FRMD4A: variants seen among roughly 807,000 people sequenced by gnomAD.
FRMD4A encodes FERM domain-containing protein 4A.
Under a neutral mutation model 129.1 loss-of-function variants are expected in FRMD4A, and 29 were observed. The ratio of observed to expected loss-of-function variants is 0.22; its 90% confidence interval spans 0.17 to 0.31. The LOEUF (loss-of-function observed/expected upper bound fraction) is 0.31, where lower values mean the gene tolerates loss of function less well. FRMD4A is among the 10% of genes least tolerant of loss of function. The pLI is 1.00. For missense variants in FRMD4A, 1,272 were observed against 1,375.8 expected (o/e 0.92, Z 1.19); for synonymous variants, 634 against 571.6 (o/e 1.11, Z -1.56).
At chr10:14,325,065 T>C (rs954636908) in intron 2 of FRMD4A, among the ~76,000 whole-genome samples, 17 of 152,192 alleles carry the variant, frequency 1.1e-4, no homozygotes, top group African/African-American at 4.1e-4. Flanking sequence ...CTGCCTAACC[T>C]GCCTGGAGTG....
chr10:13,731,425 G>A (rs1426183095), intron 12 of FRMD4A, among the ~76,000 whole-genome samples: 1 of 152,184 alleles, frequency 6.6e-6, no homozygotes, highest in Non-Finnish European at 1.5e-5. Flanking sequence ...AAGGTGGGGG[G>A]ATCCCCTGAG....
At chr10:14,073,422 C>T (rs1202188212) in intron 2 of FRMD4A, among the ~76,000 whole-genome samples, 3 of 152,028 alleles carry the variant, frequency 2.0e-5, no homozygotes, top group African/African-American at 4.8e-5. Flanking sequence ...TCCTTGAGTT[C>T]CTAGGTGATT....
At position 13,663,451 on chromosome 10, in the gene FRMD4A, AC is replaced by A; in HGVS notation, c.1660+1del. 6.8e-7 allele frequency: 1 copy of A among 1,460,074 alleles called. No homozygotes were observed. The highest frequency in any genetic ancestry group is 9.6e-7 in the Non-Finnish European group (1 of 1,039,036). The allele number at this position is 1,460,074 out of a possible 1,614,324, so 90.4% of individuals were successfully genotyped here. ...TTGTAAGCAGGAAATGCATAAACCT[AC>A]CATCCTCAAGAACAAGGGCATCTGA... is the stretch of plus-strand genomic sequence containing the variant. On this transcript the variant is annotated splice_donor_variant, in intron 19 of 24. Coordinates refer to ENST00000357447, the MANE Select transcript of FRMD4A (RefSeq NM_018027.5). LOFTEE classifies it high-confidence loss of function.
At chr10:14,315,893 G>C (rs901176696) in intron 2 of FRMD4A, among the ~76,000 whole-genome samples, 1 of 152,236 alleles carries the variant, frequency 6.6e-6, no homozygotes, top group African/African-American at 2.4e-5. Flanking sequence ...CAGACACTGA[G>C]CTAGGAGCTA....
chr10:13,826,585 G>A (rs1417553102), intron 3 of FRMD4A, among the ~76,000 whole-genome samples: 1 of 152,138 alleles, frequency 6.6e-6, no homozygotes, highest in African/African-American at 2.4e-5. Context: ...TAAGTTGGAA[G>A]TTCCCTAAGT....
chr10:14,149,928 T>C (rs1398375995), intron 2 of FRMD4A, among the ~76,000 whole-genome samples: 2 of 152,182 alleles, frequency 1.3e-5, no homozygotes, highest in Non-Finnish European at 2.9e-5. Context: ...GTTTAATTGA[T>C]TCACAGTTCC....
chr10:13,698,498 A>G (rs2086455762), intron 14 of FRMD4A, among the ~76,000 whole-genome samples: 1 of 152,224 alleles, frequency 6.6e-6, no homozygotes, highest in Non-Finnish European at 1.5e-5. Flanking sequence ...AGAAACAGAA[A>G]GGTGTTGTAA....
chr10:13,855,383 C>T (rs775940214), intron 3 of FRMD4A, among the ~76,000 whole-genome samples: 1 of 152,234 alleles, frequency 6.6e-6, no homozygotes, highest in East Asian at 1.9e-4. Context: ...GTATGCTATC[C>T]TCATAGTGGG....
chr10:13,826,515 A>G (rs2093703374), intron 3 of FRMD4A, among the ~76,000 whole-genome samples: 1 of 152,170 alleles, frequency 6.6e-6, no homozygotes. Context: ...GGCCAGAAGA[A>G]AAAGAAGTCC....
At chr10:13,651,800 C>T (rs896760619) in intron 24 of FRMD4A, 103 bp downstream of exon 24, 1 of 727,826 alleles carries the variant, frequency 1.4e-6, no homozygotes, top group Non-Finnish European at 2.6e-6. Flanking sequence ...GGCATAAATA[C>T]AGCATTCAGA....
chr10:14,058,750 T>C (rs553296485), intron 2 of FRMD4A, among the ~76,000 whole-genome samples: 2 of 152,166 alleles, frequency 1.3e-5, no homozygotes, highest in African/African-American at 4.8e-5. Context: ...GAAGACCATA[T>C]GCCACAGGGT....
intron 2 of FRMD4A, among the ~76,000 whole-genome samples, chr10:13,862,840 A>G (rs926349409): frequency 6.6e-6 from 1 of 152,156 alleles, no homozygotes; most frequent in Admixed American, 6.5e-5. Context: ...AAGAATTGAC[A>G]TCTGTAGCTT....
At chr10:14,117,890 C>T (rs917475556) in intron 2 of FRMD4A, among the ~76,000 whole-genome samples, 15 of 152,096 alleles carry the variant, frequency 9.9e-5, no homozygotes, top group Non-Finnish European at 1.6e-4. Context: ...GCAATATGGG[C>T]ACCTATACTT....
At chr10:13,656,493 A>G (rs1414742411) in intron 22 of FRMD4A, 143 bp downstream of exon 22, 2 of 1,022,944 alleles carry the variant, frequency 2.0e-6, no homozygotes, top group Non-Finnish European at 2.5e-6. Context: ...CCCGCATCTA[A>G]CAGCAGCGTT....
At chr10:14,244,258 T>A (rs1334318482) in intron 2 of FRMD4A, among the ~76,000 whole-genome samples, 1 of 152,250 alleles carries the variant, frequency 6.6e-6, no homozygotes, top group Non-Finnish European at 1.5e-5. Flanking sequence ...TCCTCACTGC[T>A]GTTCACCAGC....
At chr10:14,135,355 T>A (rs1311219318) in intron 2 of FRMD4A, among the ~76,000 whole-genome samples, 1 of 152,208 alleles carries the variant, frequency 6.6e-6, no homozygotes. Context: ...CTGCTAAGTG[T>A]CCAAACTGTG....
At chr10:13,692,543 G>GGGCC (rs1277459592) in intron 15 of FRMD4A, 1 of 152,224 alleles carries the variant, frequency 6.6e-6, no homozygotes, top group East Asian at 1.9e-4. Flanking sequence ...GGTCCCCGGA[G>GGGCC]GGCCTCAGCC....
chr10:13,705,130 G>T (rs2087285703), intron 13 of FRMD4A, among the ~76,000 whole-genome samples: 2 of 152,120 alleles, frequency 1.3e-5, no homozygotes, highest in Non-Finnish European at 2.9e-5. Flanking sequence ...GATCTTTAAG[G>T]AAGAAGACCC....
chr10:13,992,295 C>A (rs1432126897), intron 2 of FRMD4A, among the ~76,000 whole-genome samples: 1 of 152,176 alleles, frequency 6.6e-6, no homozygotes, highest in Non-Finnish European at 1.5e-5. Flanking sequence ...AAATTGGTTT[C>A]TTCTCCTCTG....
Sources: gnomAD v4.1 joint callset for allele counts (sites outside exome capture counted in the v4.1 genomes callset) on GRCh38, gnomAD v4.1.1 for gene constraint, MANE v1.5 for transcripts, NCBI Gene and HGNC (gene_info 2026-07-23, HGNC 2026-07-21) for gene names.